ARF1: variants seen among roughly 807,000 people sequenced by gnomAD.
ARF1 encodes ADP-ribosylation factor 1.
A neutral mutation model predicts 18.0 loss-of-function variants in ARF1; 1 was observed. That is an observed-to-expected ratio of 0.06 (90% CI 0.02 to 0.26). The LOEUF (loss-of-function observed/expected upper bound fraction) is 0.26. ARF1 is among the 10% of genes least tolerant of loss of function. The probability of loss-of-function intolerance (pLI) is 1.00; values close to 1 mark genes in which losing one functional copy is unlikely to be tolerated. For synonymous variants in ARF1, 112 were observed against 96.3 expected (o/e 1.16, Z -0.95); for missense variants, 73 against 247.2 (o/e 0.30, Z 4.73).
rs552986915 is a variant in ARF1 at position 228,097,358 on chromosome 1, C to A, written c.165C>A (p.Thr55=). The A allele has an allele frequency of 7.4e-6, 12 of 1,614,002 alleles. No homozygotes were observed. The highest frequency in any genetic ancestry group is 9.3e-6 in the Non-Finnish European group (11 of 1,180,002). ...TIPTIGFNVE[T]VEYKNISFTV... ...CGCACCCAGGCTTCAACGTGGAAAC[C>A]GTGGAGTACAAGAACATCAGCTTCA... The change falls in exon 3 of 5, where the codon ACC becomes ACA. Residue 55 remains threonine (T), a synonymous_variant. Transcript: ENST00000272102. The surrounding 1 kb of genome is among the most constrained non-coding windows in gnomAD (Gnocchi z 8.1).
chr1:228,095,744 CGT>C (rs956953423), intron 1 of ARF1, among the ~76,000 whole-genome samples: 4 of 152,106 alleles, frequency 2.6e-5, no homozygotes, highest in Non-Finnish European at 1.5e-5. Context: ...CCCTTCAAGG[CGT>C]GTGTGTCATT....
chr1:228,084,839 T>G (rs2032343227), intron 1 of ARF1, among the ~76,000 whole-genome samples: 1 of 152,260 alleles, frequency 6.6e-6, no homozygotes, highest in South Asian at 2.1e-4. Flanking sequence ...GAAGCAGTTC[T>G]TTTTAGATTC....
In ARF1 at chr1:228,097,749, A is replaced by G; in HGVS notation, c.384+34A>G. The G allele has an allele frequency of 6.3e-7, 1 of 1,593,744 alleles. No homozygotes were observed. Among genetic ancestry groups the G allele is most frequent in the Non-Finnish European group, 8.6e-7 (1 of 1,168,680 alleles). On this transcript the variant is annotated intron_variant, in intron 4 of 4. Transcript: ENST00000272102. This position sits in a 1 kb window ranked among gnomAD's most constrained non-coding sequence, Gnocchi z 8.1. ...CCGGGCCAGCCTGGGGAATGTGAGG[A>G]GCCAGTGTGGGTTCCGCCTGGTGGT...
intron 1 of ARF1, among the ~76,000 whole-genome samples, chr1:228,086,530 GA>G (rs896987251): frequency 8.7e-5 from 13 of 149,706 alleles, no homozygotes; most frequent in African/African-American, 2.7e-4. Context: ...AAAAAAAAAA[GA>G]AAAAAAAGAA....
At chr1:228,085,642 C>G (rs944016607) in intron 1 of ARF1, among the ~76,000 whole-genome samples, 2 of 152,208 alleles carry the variant, frequency 1.3e-5, no homozygotes, top group Admixed American at 1.3e-4. Flanking sequence ...GCCCTGATAA[C>G]AGGAGAAGCC....
At chr1:228,088,796 G>C (rs1291857642) in intron 1 of ARF1, among the ~76,000 whole-genome samples, 1 of 152,192 alleles carries the variant, frequency 6.6e-6, no homozygotes, top group Non-Finnish European at 1.5e-5. Context: ...ACTCCCCATT[G>C]CATCATAGTT....
rs1044632409 is a variant in ARF1 at position 228,099,084 on chromosome 1, C to G, written c.*1071C>G. On this transcript the variant is annotated 3_prime_UTR_variant, in exon 5 of 5. Coordinates refer to ENST00000272102, the MANE Select transcript of ARF1 (RefSeq NM_001658.4). ...ACCTCAGAACTGGTCTATTTGGTGT[C>G]GTGGAACCTCTTACTGCTTTCAATA... is the stretch of plus-strand genomic sequence containing the variant. 6.6e-6 allele frequency: 1 copy of G among 152,472 alleles called. No individual in the cohort carries two copies. Among genetic ancestry groups the G allele is most frequent in the Non-Finnish European group, 1.5e-5 (1 of 67,982 alleles). 9.4% of individuals were successfully genotyped at this position (152,472 alleles called of 1,614,324 possible).
intron 1 of ARF1, among the ~76,000 whole-genome samples, chr1:228,088,530 A>AT (rs1258575350): frequency 1.3e-5 from 2 of 152,118 alleles, no homozygotes; most frequent in South Asian, 2.1e-4. Flanking sequence ...TGAAAAAAAA[A>AT]TTTTTGTGCA....
intron 1 of ARF1, among the ~76,000 whole-genome samples, chr1:228,085,311 AG>A (rs1483026582): frequency 6.6e-6 from 1 of 152,208 alleles, no homozygotes; most frequent in Admixed American, 6.5e-5. Context: ...AAGCTCTCTA[AG>A]GCATAGTTGC....
Position 228,098,066 on chromosome 1 carries a change from G to T in ARF1, c.*53G>T, listed in dbSNP as rs1225679129. ...TTGCCCTCTGCTTTACTCTCATGTGGCAAACGTGCGGCTCGTGGTGTGAGT... is the reference window on the plus strand; with the variant it reads ...TTGCCCTCTGCTTTACTCTCATGTGTCAAACGTGCGGCTCGTGGTGTGAGT... On this transcript the variant is annotated 3_prime_UTR_variant, in exon 5 of 5. Transcript: ENST00000272102. 6.4e-7 allele frequency: 1 copy of T among 1,553,390 alleles called. No homozygotes were observed. The highest frequency in any genetic ancestry group is 1.4e-5 in the African/African-American group (1 of 73,648).
At position 228,099,149 on chromosome 1, in the gene ARF1, TTTTCA is replaced by T. The variant is rs1388034120; in HGVS notation, c.*1141_*1145del. Reference sequence around the variant, plus strand: ...AACTGTTTTGTATACTTGTTTTCAGTTTTCATTTCGACAAACAAGCACTGTAATTA... The same window carrying T: ...AACTGTTTTGTATACTTGTTTTCAGTTTTCGACAAACAAGCACTGTAATTA... On this transcript the variant is annotated 3_prime_UTR_variant, in exon 5 of 5. Coordinates refer to ENST00000272102, the MANE Select transcript of ARF1 (RefSeq NM_001658.4). 1 of 152,672 alleles carries T rather than the reference TTTTCA, an allele frequency of 6.5e-6. No individual in the cohort carries two copies. Among genetic ancestry groups the T allele is most frequent in the Admixed American group, 6.5e-5 (1 of 15,290 alleles). The allele number at this position is 152,672 out of a possible 1,614,324, so 9.5% of individuals were successfully genotyped here. A position where few individuals can be genotyped will look rare whatever the true frequency, so the allele number is the denominator to read the frequency against.
intron 1 of ARF1, chr1:228,096,617 C>T (rs542253298): frequency 1.5e-4 from 23 of 155,176 alleles, no homozygotes; most frequent in African/African-American, 5.0e-4. Context: ...AGGCTGTGTC[C>T]TCATGGGAGT....
At chr1:228,096,054 C>T (rs552633189) in intron 1 of ARF1, among the ~76,000 whole-genome samples, 2 of 152,310 alleles carry the variant, frequency 1.3e-5, no homozygotes, top group South Asian at 2.1e-4. Context: ...CAGTTCACAC[C>T]CACTGAAACA....
chr1:228,093,608 TA>T (rs2124851744), intron 1 of ARF1, among the ~76,000 whole-genome samples: 1 of 143,360 alleles, frequency 7.0e-6, no homozygotes, highest in East Asian at 2.0e-4. Context: ...TGGGGACTCT[TA>T]ACGCTTTGGT....
intron 1 of ARF1, among the ~76,000 whole-genome samples, chr1:228,091,815 C>T (rs958660563): frequency 6.6e-6 from 1 of 152,136 alleles, no homozygotes; most frequent in Non-Finnish European, 1.5e-5. Flanking sequence ...TGACCATAGG[C>T]TTTATTTGGC....
In ARF1 at chr1:228,087,007, C is replaced by T. The variant is rs915606924; in HGVS notation, c.-38+4242C>T. On this transcript the variant is annotated intron_variant, in intron 1 of 4. Coordinates refer to ENST00000272102, the MANE Select transcript of ARF1 (RefSeq NM_001658.4). ...ACCCCTGCTCATGTGGTGTGAGAAG[C>T]GACCTGTGTTATAAGAGTGTGTGAG... Among the ~76,000 whole-genome samples, 7 of 152,254 alleles carry T rather than the reference C, an allele frequency of 4.6e-5. No homozygotes were observed. The South Asian group carries it at 1.2e-3, about 27-fold the overall frequency.
chr1:228,083,968 C>T (rs2032307249), intron 1 of ARF1, among the ~76,000 whole-genome samples: 1 of 152,222 alleles, frequency 6.6e-6, no homozygotes, highest in African/African-American at 2.4e-5. Flanking sequence ...GCCACTGCCC[C>T]TGTTGGAGTG....
chr1:228,094,245 G>A (rs1370234639), intron 1 of ARF1, among the ~76,000 whole-genome samples: 2 of 152,230 alleles, frequency 1.3e-5, no homozygotes, highest in Middle Eastern at 6.8e-3. Context: ...ACTGGCAGGC[G>A]ACCCTTATTC....
At chr1:228,084,344 G>C (rs1319412003) in intron 1 of ARF1, among the ~76,000 whole-genome samples, 2 of 152,238 alleles carry the variant, frequency 1.3e-5, no homozygotes, top group Non-Finnish European at 2.9e-5. Context: ...GTTTTCACAT[G>C]TTGGTAGACT....
Sources: allele counts gnomAD v4.1 joint callset (sites outside exome capture counted in the v4.1 genomes callset), GRCh38; gene constraint gnomAD v4.1.1; non-coding constraint Gnocchi (gnomAD v3.1); transcripts MANE v1.5; gene names NCBI Gene and HGNC (gene_info 2026-07-23, HGNC 2026-07-21).